The following FHOD3 variants were observed in gnomAD, a reference collection of about 807,000 sequenced individuals.
FHOD3 encodes formin homology 2 domain containing 3.
FHOD3 carries 90 observed loss-of-function variants against 173.0 expected under a neutral mutation model. The ratio of observed to expected loss-of-function variants is 0.52; its 90% CI spans 0.44 to 0.62. The LOEUF is 0.62. Among genes scored for constraint, FHOD3 ranks in the 20% least tolerant of loss-of-function variants. The pLI is 0.00. For missense variants in FHOD3, 1,945 were observed against 2,034.7 expected, an observed-to-expected ratio of 0.96 and a Z score of 0.85; for synonymous variants, 828 against 823.0, an observed-to-expected ratio of 1.01 and a Z score of -0.10.
In FHOD3 at chr18:36,460,198, G is replaced by T. The variant is rs533121173; in HGVS notation, c.338-41734G>T. Among the ~76,000 whole-genome samples, 161 of 152,256 alleles carry T rather than the reference G, an allele frequency of 1.1e-3. 6 individuals carry two copies. The South Asian group carries it at 0.024, about 23-fold the overall frequency. On this transcript the variant is annotated intron_variant, in intron 3 of 28. Coordinates refer to ENST00000590592, the MANE Select transcript of FHOD3 (RefSeq NM_001281740.3). ...AGCATTTGTCAGACTGTCCCCCACT[G>T]TTCTGCTACTCTTTCTCTCCCCTTT...
At chr18:36,526,873 G>A (rs1599518526) in intron 5 of FHOD3, among the ~76,000 whole-genome samples, 1 of 152,290 alleles carries the variant, frequency 6.6e-6, no homozygotes, top group African/African-American at 2.4e-5. Flanking sequence ...GATATGTAAC[G>A]TGGTGACTTT....
At chr18:36,539,813 G>A (rs1487805257) in intron 5 of FHOD3, among the ~76,000 whole-genome samples, 2 of 152,178 alleles carry the variant, frequency 1.3e-5, no homozygotes, top group African/African-American at 4.8e-5. Flanking sequence ...GCTCATTAAA[G>A]TCCCCAAGAA....
At chr18:36,421,510 T>C (rs1015120073) in intron 3 of FHOD3, among the ~76,000 whole-genome samples, 1 of 152,248 alleles carries the variant, frequency 6.6e-6, no homozygotes, top group Non-Finnish European at 1.5e-5. Flanking sequence ...TTGGTTTTTA[T>C]GGCTTCCATT....
chr18:36,725,947 A>G (rs1188495862), intron 19 of FHOD3, among the ~76,000 whole-genome samples: 1 of 152,080 alleles, frequency 6.6e-6, no homozygotes, highest in Non-Finnish European at 1.5e-5. Flanking sequence ...CTGATTGGGT[A>G]GATATTATAT....
intron 3 of FHOD3, among the ~76,000 whole-genome samples, chr18:36,494,052 C>A (rs1207012540): frequency 6.6e-6 from 1 of 152,164 alleles, no homozygotes; most frequent in Non-Finnish European, 1.5e-5. Context: ...CCTCCCCCTA[C>A]ATATTCTTTC....
chr18:36,604,790 T>C (rs191322431), intron 8 of FHOD3, among the ~76,000 whole-genome samples: 63 of 152,278 alleles, frequency 4.1e-4, no homozygotes, highest in African/African-American at 1.5e-3. Flanking sequence ...AAAGATCTTA[T>C]TTACAAAATG....
chr18:36,775,811 C>T (rs1188430772), intron 28 of FHOD3, among the ~76,000 whole-genome samples: 1 of 152,236 alleles, frequency 6.6e-6, no homozygotes, highest in Non-Finnish European at 1.5e-5. Context: ...TGAGAACTGT[C>T]ACCAGGGCCT....
intron 17 of FHOD3, among the ~76,000 whole-genome samples, chr18:36,694,407 C>T (rs578033805): frequency 9.2e-5 from 14 of 152,300 alleles, no homozygotes; most frequent in Admixed American, 6.5e-4. Context: ...TGGAGCGGGC[C>T]GGCTCCTCCA....
At chr18:36,763,060 ATAAT>A (rs1425749447) in intron 27 of FHOD3, among the ~76,000 whole-genome samples, 15 of 148,412 alleles carry the variant, frequency 1.0e-4, no homozygotes, top group Non-Finnish European at 2.2e-4. Flanking sequence ...CACGTTATAT[ATAAT>A]ATGCGTATTA....
intron 7 of FHOD3, among the ~76,000 whole-genome samples, chr18:36,599,610 G>A (rs949262710): frequency 5.3e-5 from 8 of 152,224 alleles, no homozygotes; most frequent in Admixed American, 3.9e-4. Context: ...ACCCATGTCT[G>A]AGGCACTGAG....
chr18:36,653,260 C>G lies in FHOD3; in HGVS notation c.1647-82C>G, dbSNP rs1412096707. The G allele has an allele frequency of 5.3e-6, 6 of 1,136,804 alleles. No homozygotes were observed. In the African/African-American group the frequency reaches 9.4e-5, roughly 18 times the overall value. The allele number at this position is 1,136,804 out of a possible 1,614,324, so 70.4% of individuals were successfully genotyped here. ...TGTACCAAGCCAGGTGGCATGAAGT[C>G]TTTTTGACGCTGAAGAATGTATCAA... On this transcript the variant is annotated intron_variant, in intron 12 of 28. Coordinates refer to ENST00000590592, the MANE Select transcript of FHOD3 (RefSeq NM_001281740.3).
intron 1 of FHOD3, among the ~76,000 whole-genome samples, chr18:36,350,673 T>G (rs553482182): frequency 6.6e-6 from 1 of 152,256 alleles, no homozygotes; most frequent in East Asian, 1.9e-4. Context: ...TAAGTAAGAA[T>G]TGAGATTCCC....
intron 5 of FHOD3, 31 bp downstream of exon 5, chr18:36,512,574 C>G: frequency 2.7e-6 from 4 of 1,483,110 alleles, no homozygotes; most frequent in Non-Finnish European, 3.8e-6. Flanking sequence ...CAGCAGCTGC[C>G]CCAGCTGCAG....
chr18:36,455,690 C>T (rs1488029282), intron 3 of FHOD3, among the ~76,000 whole-genome samples: 2 of 151,982 alleles, frequency 1.3e-5, no homozygotes, highest in Non-Finnish European at 2.9e-5. Flanking sequence ...TGCTATGGGC[C>T]CTGCCTTCCT....
intron 9 of FHOD3, among the ~76,000 whole-genome samples, chr18:36,624,572 T>C (rs911307078): frequency 6.6e-6 from 1 of 151,782 alleles, no homozygotes; most frequent in East Asian, 1.9e-4. Context: ...TTAGTTTTAA[T>C]GGGAGGTGAG....
intron 25 of FHOD3, among the ~76,000 whole-genome samples, chr18:36,757,720 G>A (rs765682173): frequency 7.9e-5 from 12 of 152,118 alleles, no homozygotes; most frequent in African/African-American, 1.4e-4. Flanking sequence ...TCTTCTCCCC[G>A]TTTCTGGGTA....
intron 3 of FHOD3, among the ~76,000 whole-genome samples, chr18:36,381,698 C>A (rs1449997509): frequency 6.6e-6 from 1 of 152,090 alleles, no homozygotes; most frequent in Non-Finnish European, 1.5e-5. Flanking sequence ...AAGGAGACCC[C>A]AAATTATTTG....
At chr18:36,681,631 T>G (rs2038247527) in intron 15 of FHOD3, 61 bp downstream of exon 15, 2 of 1,520,272 alleles carry the variant, frequency 1.3e-6, no homozygotes, top group South Asian at 2.5e-5. Context: ...CATGTGACTT[T>G]ACAACTGTAT....
chr18:36,319,323 C>T, intron 1 of FHOD3, among the ~76,000 whole-genome samples: 1 of 152,120 alleles, frequency 6.6e-6, no homozygotes, highest in East Asian at 1.9e-4. Flanking sequence ...AAATAAAGGG[C>T]AGGGATTGCA....
Sources: gnomAD v4.1 joint callset for allele counts (sites outside exome capture counted in the v4.1 genomes callset) on GRCh38, gnomAD v4.1.1 for gene constraint, MANE v1.5 for transcripts, NCBI Gene and HGNC (gene_info 2026-07-23, HGNC 2026-07-21) for gene names.